The following FABP12 variants were observed in gnomAD, a reference collection of about 807,000 sequenced individuals.
FABP12 encodes the protein fatty acid-binding protein 12.
In FABP12, 19 loss-of-function variants were observed where a neutral mutation model predicts 13.7. The observed-to-expected ratio is 1.39, with a 90% CI of 0.97 to 2.04. FABP12 has a LOEUF of 2.04. Among genes scored for constraint, FABP12 ranks in the 30% most tolerant of loss-of-function variants. FABP12 has a pLI of 0.00. For synonymous variants in FABP12, 61 were observed against 57.0 expected, an observed-to-expected ratio of 1.07 and a Z score of -0.32; for missense variants, 182 against 164.2, an observed-to-expected ratio of 1.11 and a Z score of -0.59.
rs988943382 is a variant in FABP12, at chr8:81,531,356, TG to T, written c.-42del. ...TTGATCTCAAAGAACAGTAGTTTCA[TG>T]TGTATGCTGGTTTTCCCTGAAGTAG... On this transcript the variant is annotated 5_prime_UTR_variant, in exon 2 of 5. Coordinates refer to ENST00000360464, the Ensembl canonical transcript of FABP12. 2.8e-6 allele frequency: 4 copies of T among 1,427,220 alleles called. No homozygotes were observed. In the African/African-American group the frequency reaches 5.6e-5, roughly 20 times the overall value. The allele number at this position is 1,427,220 out of a possible 1,614,324, so 88.4% of individuals were successfully genotyped here.
chr8:81,525,162 T>C (rs73275471), intron 4 of FABP12, 42 bp from the exon 5 acceptor site: 24 of 1,294,706 alleles, frequency 1.9e-5, no homozygotes, highest in African/African-American at 1.2e-4. Context: ...GTATAGTTAG[T>C]GAAATTAACA....
At chr8:81,535,332 G>A (rs1364175761), upstream of FABP12, among the ~76,000 whole-genome samples, 1 of 152,128 alleles carries the variant, frequency 6.6e-6, no homozygotes, top group African/African-American at 2.4e-5. Flanking sequence ...TCTTATCAAG[G>A]GATGGAGAGA....
At chr8:81,564,292 T>C (rs1809778189) in intron 1 of FABP12, among the ~76,000 whole-genome samples, 1 of 152,074 alleles carries the variant, frequency 6.6e-6, no homozygotes, top group African/African-American at 2.4e-5. Flanking sequence ...AGTTCTTTAA[T>C]CAGAAAGAAA....
intron 1 of FABP12, among the ~76,000 whole-genome samples, chr8:81,580,597 T>A (rs1487577502): frequency 6.6e-6 from 1 of 152,206 alleles, no homozygotes; most frequent in Non-Finnish European, 1.5e-5. Context: ...TCTAGTCTTC[T>A]TTAGTTGTTT....
At chr8:81,589,751 G>C (rs1810292783) in intron 1 of FABP12, among the ~76,000 whole-genome samples, 1 of 152,190 alleles carries the variant, frequency 6.6e-6, no homozygotes, top group Admixed American at 6.5e-5. Context: ...TCTAAAACAG[G>C]CTGCCTTTTC....
At chr8:81,529,717 T>C (rs1049023652) in intron 2 of FABP12, 107 bp from the exon 3 acceptor site, 9 of 1,016,792 alleles carry the variant, frequency 8.9e-6, no homozygotes, top group Non-Finnish European at 1.3e-5. Context: ...AACTCAACAT[T>C]ATCTGTATAA....
At chr8:81,570,483 C>G (rs1809909895) in intron 1 of FABP12, among the ~76,000 whole-genome samples, 3 of 152,142 alleles carry the variant, frequency 2.0e-5, no homozygotes, top group African/African-American at 7.2e-5. Flanking sequence ...GGCAGCTCCT[C>G]TTCGTTACCA....
upstream of FABP12, among the ~76,000 whole-genome samples, chr8:81,536,133 A>G (rs1262966996): frequency 1.3e-5 from 2 of 152,122 alleles, no homozygotes; most frequent in African/African-American, 4.8e-5. Flanking sequence ...CTTCATTCCC[A>G]TTGCTACCAA....
intron 1 of FABP12, among the ~76,000 whole-genome samples, chr8:81,580,403 C>T (rs927179994): frequency 6.6e-6 from 1 of 152,112 alleles, no homozygotes; most frequent in Non-Finnish European, 1.5e-5. Context: ...TGAGCCATAA[C>T]ATCTTTGCTT....
chr8:81,538,853 T>G (rs1267848642), upstream of FABP12, among the ~76,000 whole-genome samples: 1 of 152,174 alleles, frequency 6.6e-6, no homozygotes, highest in Non-Finnish European at 1.5e-5. Context: ...ACTTTTTAAT[T>G]TTTTTATTGT....
In FABP12 at chr8:81,547,430, T is replaced by C. The variant is rs1324076696; in HGVS notation, c.-184-7687A>G. Reference sequence around the variant, plus strand: ...AAGGTTTGGGACCAAATGAGTTCATTTGATCACGTTCCAGTTTCTTAATTA... The same window carrying C: ...AAGGTTTGGGACCAAATGAGTTCATCTGATCACGTTCCAGTTTCTTAATTA... On this transcript the variant is annotated intron_variant, in intron 1 of 5. Coordinates refer to the FABP12 transcript ENST00000692030. Among the ~76,000 whole-genome samples the C allele has an allele frequency of 4.6e-5, 7 of 152,244 alleles. No homozygotes were observed. In the South Asian group the frequency reaches 6.2e-4, roughly 13 times the overall value.
chr8:81,556,879 C>CTTTT (rs11338781), intron 1 of FABP12, among the ~76,000 whole-genome samples: 15 of 109,256 alleles, frequency 1.4e-4, no homozygotes, highest in Middle Eastern at 4.5e-3. Flanking sequence ...AAGTGTACAT[C>CTTTT]TTTTTTTTTT....
chr8:81,585,768 G>T (rs1212110206), intron 1 of FABP12, among the ~76,000 whole-genome samples: 16 of 151,842 alleles, frequency 1.1e-4, no homozygotes, highest in South Asian at 2.1e-4. Flanking sequence ...TGTTTTATTG[G>T]TTTTTTTAAA....
intron 1 of FABP12, among the ~76,000 whole-genome samples, chr8:81,551,814 A>T (rs1324300393): frequency 6.6e-6 from 1 of 152,112 alleles, no homozygotes; most frequent in Non-Finnish European, 1.5e-5. Flanking sequence ...TTCAATAGGG[A>T]TAACACTATG....
intron 1 of FABP12, among the ~76,000 whole-genome samples, chr8:81,584,154 C>G (rs1317636989): frequency 6.6e-6 from 1 of 152,170 alleles, no homozygotes; most frequent in African/African-American, 2.4e-5. Context: ...GAGAGTGACA[C>G]CAGCAAGTTG....
At chr8:81,569,022 G>C (rs563038540) in intron 1 of FABP12, among the ~76,000 whole-genome samples, 2 of 152,182 alleles carry the variant, frequency 1.3e-5, no homozygotes, top group East Asian at 3.9e-4. Context: ...AATATAATTA[G>C]ATAGAATGAA....
intron 4 of FABP12, among the ~76,000 whole-genome samples, chr8:81,525,555 T>C (rs1302741027): frequency 1.3e-5 from 2 of 148,324 alleles, no homozygotes; most frequent in Non-Finnish European, 3.0e-5. Context: ...GATAGATAGA[T>C]GATAGATAGA....
At chr8:81,545,970 A>G (rs1436569548) in intron 1 of FABP12, among the ~76,000 whole-genome samples, 2 of 152,244 alleles carry the variant, frequency 1.3e-5, no homozygotes, top group African/African-American at 4.8e-5. Context: ...TGGATACACA[A>G]TTAGTAAGAT....
chr8:81,571,407 G>C (rs1035331145), intron 1 of FABP12, among the ~76,000 whole-genome samples: 1 of 152,192 alleles, frequency 6.6e-6, no homozygotes. Context: ...GGATGGGGGC[G>C]GCGCAGATGT....
Sources: gnomAD v4.1 joint callset for allele counts (sites outside exome capture counted in the v4.1 genomes callset) on GRCh38, gnomAD v4.1.1 for gene constraint, MANE v1.5 for transcripts, NCBI Gene and HGNC (gene_info 2026-07-23, HGNC 2026-07-21) for gene names.